Variants in OTULINL observed in about 807,000 individuals in gnomAD.
OTULINL encodes the protein OTU deubiquitinase with linear linkage specificity like.
OTULINL carries 42 observed loss-of-function variants against 43.9 expected under a neutral mutation model. The observed-to-expected ratio is 0.96, with a 90% CI of 0.75 to 1.24. The LOEUF (loss-of-function observed/expected upper bound fraction) is 1.24, where lower values mean the gene tolerates loss of function less well. Among genes scored for constraint, OTULINL ranks in the 50% most tolerant of loss-of-function variants. The pLI, the probability that OTULINL is intolerant of heterozygous loss-of-function variation, is 0.00. For synonymous variants in OTULINL, 172 were observed against 153.6 expected (o/e 1.12, Z -0.88); for missense variants, 411 against 426.4 (o/e 0.96, Z 0.32).
At chr5:14,582,164 G>T (rs1028160131) in intron 1 of OTULINL, among the ~76,000 whole-genome samples, 2 of 152,148 alleles carry the variant, frequency 1.3e-5, no homozygotes, top group Non-Finnish European at 2.9e-5. Flanking sequence ...TCGGGGTCGA[G>T]CCGCTGTCGG....
chr5:14,614,789 T>A lies in OTULINL; in HGVS notation c.*4475T>A. On this transcript the variant is annotated 3_prime_UTR_variant, in exon 8 of 8. Coordinates refer to ENST00000274217, the MANE Select transcript of OTULINL (RefSeq NM_019018.3). ...GTGTGAGCAGACTGCTATAGAATGC[T>A]AAAGTTATAATCCTAGCTGGTGTCT... 1 of 398,600 alleles carries A rather than the reference T, an allele frequency of 2.5e-6. No individual in the cohort carries two copies. Among genetic ancestry groups the A allele is most frequent in the Non-Finnish European group, 4.4e-6 (1 of 226,074 alleles). The allele number at this position is 398,600 out of a possible 1,614,324, so 24.7% of individuals were successfully genotyped here. A position where few individuals can be genotyped will look rare whatever the true frequency, so the allele number is the denominator to read the frequency against.
intron 5 of OTULINL, 124 bp from the exon 6 acceptor site, chr5:14,607,206 G>A: frequency 9.3e-7 from 1 of 1,071,090 alleles, no homozygotes; most frequent in South Asian, 1.6e-5. Context: ...CTCCAGCCTG[G>A]GCAACAGAGT....
chr5:14,611,657 T>C lies in OTULINL; in HGVS notation c.*1343T>C, dbSNP rs561722949. ...CAGAAAACTAGTATTCTCAGGCTAG[T>C]TTTTGGTCGTCTTTATTTTGGAAAT... On this transcript the variant is annotated 3_prime_UTR_variant, in exon 8 of 8. Transcript: ENST00000274217. 3 of 152,322 alleles carry C rather than the reference T, an allele frequency of 2.0e-5. No individual in the cohort carries two copies. Among genetic ancestry groups the C allele is most frequent in the African/African-American group, 7.2e-5 (3 of 41,572 alleles). 9.4% of individuals were successfully genotyped at this position (152,322 alleles called of 1,614,324 possible).
At chr5:14,585,940 A>C (rs78518382) in intron 1 of OTULINL, among the ~76,000 whole-genome samples, 1 of 152,356 alleles carries the variant, frequency 6.6e-6, no homozygotes, top group Non-Finnish European at 1.5e-5. Context: ...TAACATTTGT[A>C]TACTGTTGTT....
intron 1 of OTULINL, among the ~76,000 whole-genome samples, chr5:14,596,655 G>A (rs975685629): frequency 3.3e-5 from 5 of 152,108 alleles, no homozygotes; most frequent in Non-Finnish European, 7.4e-5. Context: ...GGTAAAGGAG[G>A]CAACTTCTGG....
chr5:14,586,192 A>T (rs953904427), intron 1 of OTULINL, among the ~76,000 whole-genome samples: 13 of 152,252 alleles, frequency 8.5e-5, no homozygotes, highest in African/African-American at 2.9e-4. Context: ...TCTGTTTTCA[A>T]AATGAGGTTG....
At chr5:14,605,774 A>C (rs1005864354) in intron 5 of OTULINL, among the ~76,000 whole-genome samples, 1 of 152,182 alleles carries the variant, frequency 6.6e-6, no homozygotes, top group African/African-American at 2.4e-5. Flanking sequence ...ACATAACAAG[A>C]GTCATCTTTG....
At chr5:14,587,819 C>G (rs769747531) in intron 1 of OTULINL, among the ~76,000 whole-genome samples, 7 of 152,156 alleles carry the variant, frequency 4.6e-5, no homozygotes, top group Non-Finnish European at 8.8e-5. Flanking sequence ...CTGTCTTGTT[C>G]TTCACACTTT....
At chr5:14,591,523 T>G (rs1759201820) in intron 1 of OTULINL, among the ~76,000 whole-genome samples, 1 of 152,098 alleles carries the variant, frequency 6.6e-6, no homozygotes, top group Non-Finnish European at 1.5e-5. Flanking sequence ...TAAAAAAATC[T>G]GCCACTCAGA....
intron 1 of OTULINL, among the ~76,000 whole-genome samples, chr5:14,591,207 C>T (rs1399808104): frequency 1.3e-5 from 2 of 152,206 alleles, no homozygotes; most frequent in African/African-American, 4.8e-5. Flanking sequence ...ATGTCAGGTC[C>T]TGCCTGGGTC....
At chr5:14,584,821 A>G (rs1364858220) in intron 1 of OTULINL, among the ~76,000 whole-genome samples, 1 of 152,210 alleles carries the variant, frequency 6.6e-6, no homozygotes, top group Non-Finnish European at 1.5e-5. Context: ...AAAGCCATTC[A>G]AGTAGGCACA....
chr5:14,585,129 A>G (rs966108613), intron 1 of OTULINL, among the ~76,000 whole-genome samples: 4 of 152,050 alleles, frequency 2.6e-5, no homozygotes, highest in East Asian at 1.9e-4. Context: ...CTAGGAGGAG[A>G]AGGAGGAGTA....
intron 5 of OTULINL, among the ~76,000 whole-genome samples, chr5:14,604,951 G>A (rs1466607660): frequency 6.6e-6 from 1 of 152,160 alleles, no homozygotes. Flanking sequence ...TACCATTCTG[G>A]GGTCTGGGGA....
rs368784142 is a variant in OTULINL, at chr5:14,599,361, G to A, written c.65-1604G>A. Reference sequence around the variant, plus strand: ...AAACTAGTCGGGCATGGTGGTGCATGCCTGTAATCCCAGCAACTGGGGAGG... The same window carrying A: ...AAACTAGTCGGGCATGGTGGTGCATACCTGTAATCCCAGCAACTGGGGAGG... On this transcript the variant is annotated intron_variant, in intron 1 of 7. Transcript: ENST00000274217. Among the ~76,000 whole-genome samples, 6 of 152,108 alleles carry A rather than the reference G, an allele frequency of 3.9e-5. No individual in the cohort carries two copies. In the East Asian group the frequency reaches 5.8e-4, roughly 15 times the overall value.
At chr5:14,610,079 C>T (rs1579929527) in intron 7 of OTULINL, 62 bp from the exon 8 acceptor site, 5 of 1,462,768 alleles carry the variant, frequency 3.4e-6, no homozygotes, top group Middle Eastern at 1.8e-4. Flanking sequence ...TTCCCCCCAC[C>T]GTGGCGGGAG....
chr5:14,596,027 T>C (rs1005221952), intron 1 of OTULINL, among the ~76,000 whole-genome samples: 1 of 152,196 alleles, frequency 6.6e-6, no homozygotes, highest in African/African-American at 2.4e-5. Context: ...ATCAAATCCA[T>C]AATTTCTGGC....
In OTULINL at chr5:14,610,160, G is replaced by C. The variant is rs768633119; in HGVS notation, c.917G>C (p.Gly306Ala). 5.0e-6 allele frequency: 8 copies of C among 1,613,796 alleles called. No homozygotes were observed. The East Asian group carries it at 1.8e-4, about 36-fold the overall frequency. ...CCACAGATTGATATGTTTATACTTG[G>C]ATACTCCCTTGAAGTAAAGATAAAA... ...GLEQIDMFIL[G>A]YSLEVKIKVF... The change falls in exon 8 of 8, where the codon GGA (glycine) becomes GCA (alanine). Residue 306 changes from glycine to alanine, a missense_variant. Physicochemically the swap from Gly to Ala is moderately conservative, Grantham distance 60 (BLOSUM62 0). Coordinates refer to ENST00000274217, the MANE Select transcript of OTULINL (RefSeq NM_019018.3).
chr5:14,582,887 G>A (rs928986406), intron 1 of OTULINL, among the ~76,000 whole-genome samples: 2 of 151,652 alleles, frequency 1.3e-5, no homozygotes, highest in Non-Finnish European at 2.9e-5. Context: ...GTCAGGTGCT[G>A]GGTCTCGACG....
At chr5:14,587,241 C>G (rs1485183738) in intron 1 of OTULINL, among the ~76,000 whole-genome samples, 1 of 152,192 alleles carries the variant, frequency 6.6e-6, no homozygotes, top group African/African-American at 2.4e-5. Flanking sequence ...CCTCAACTTG[C>G]TTGTGAACTC....
Sources: gnomAD v4.1 joint callset for allele counts (sites outside exome capture counted in the v4.1 genomes callset) on GRCh38, gnomAD v4.1.1 for gene constraint, MANE v1.5 for transcripts, NCBI Gene and HGNC (gene_info 2026-07-23, HGNC 2026-07-21) for gene names.